Variants in CHAT observed in about 807,000 individuals in gnomAD.
CHAT encodes choline O-acetyltransferase.
Under a neutral mutation model 76.9 loss-of-function variants are expected in CHAT, and 61 were observed. The observed-to-expected ratio is 0.79, with a 90% confidence interval of 0.65 to 0.98. The LOEUF is 0.98. CHAT is among the 50% of genes least tolerant of loss of function. CHAT has a pLI of 0.00. For synonymous variants in CHAT, 407 were observed against 397.4 expected (o/e 1.02, Z -0.29); for missense variants, 946 against 986.9 (o/e 0.96, Z 0.56).
chr10:49,611,058 A>G (rs768880483), upstream of CHAT: 20 of 1,613,914 alleles, frequency 1.2e-5, no homozygotes, highest in East Asian at 4.2e-4. Flanking sequence ...CTGCGTGGCC[A>G]GCGGGCTCAG....
At chr10:49,664,456 T>G (rs747265412) in intron 14 of CHAT, among the ~76,000 whole-genome samples, 4 of 152,164 alleles carry the variant, frequency 2.6e-5, no homozygotes, top group Admixed American at 6.5e-5. Flanking sequence ...ATTACCTGAT[T>G]GCCTCCGTGC....
chr10:49,625,375 AT>A, intron 5 of CHAT, 97 bp from the exon 6 acceptor site: 1 of 1,139,496 alleles, frequency 8.8e-7, no homozygotes, highest in Non-Finnish European at 1.3e-6. Flanking sequence ...TCTGTGCCCC[AT>A]TTTGCCTGAT....
intron 2 of CHAT, among the ~76,000 whole-genome samples, chr10:49,618,964 C>T (rs1040154031): frequency 2.6e-5 from 4 of 152,110 alleles, no homozygotes; most frequent in African/African-American, 4.8e-5. Flanking sequence ...TGGAGAGATT[C>T]GGAGAGGAAG....
intron 8 of CHAT, among the ~76,000 whole-genome samples, chr10:49,647,696 G>A (rs1171783500): frequency 6.6e-6 from 1 of 152,162 alleles, no homozygotes; most frequent in Non-Finnish European, 1.5e-5. Context: ...TACATGCACA[G>A]AATCTGGAAC....
chr10:49,633,218 GC>G (rs1416775769), intron 7 of CHAT, among the ~76,000 whole-genome samples: 1 of 152,136 alleles, frequency 6.6e-6, no homozygotes, highest in Non-Finnish European at 1.5e-5. Context: ...AGATTCCCGG[GC>G]CCCAGTGCTT....
At chr10:49,625,867 A>T (rs1838902623) in intron 6 of CHAT, among the ~76,000 whole-genome samples, 1 of 152,154 alleles carries the variant, frequency 6.6e-6, no homozygotes, top group South Asian at 2.1e-4. Context: ...GTTTGAGAAT[A>T]TCCTCACTGG....
rs547362236 is a variant in CHAT at position 49,666,442 on chromosome 10, A to C, written c.*1396A>C. 5.9e-5 allele frequency among the ~76,000 whole-genome samples: 9 copies of C among 152,336 alleles called. No individual in the cohort carries two copies. Among genetic ancestry groups the C allele is most frequent in the African/African-American group, 1.9e-4 (8 of 41,582 alleles). ...AGAGGGAGGGAGTAAGAAAGCAACC[A>C]GAGAAATCTACAGCATAGAGCCCGT... On this transcript the variant is annotated 3_prime_UTR_variant, in exon 15 of 15. Transcript: ENST00000337653.
At chr10:49,628,021 T>A (rs939863040) in intron 7 of CHAT, among the ~76,000 whole-genome samples, 1 of 151,974 alleles carries the variant, frequency 6.6e-6, no homozygotes, top group Non-Finnish European at 1.5e-5. Flanking sequence ...GTGCTGGAAT[T>A]GGGGATGTCT....
At chr10:49,610,533 C>G, upstream of CHAT, 1 of 461,820 alleles carries the variant, frequency 2.2e-6, no homozygotes, top group Non-Finnish European at 3.7e-6. Flanking sequence ...GTCCCGGGAT[C>G]GGCTAAGAGT....
intron 13 of CHAT, among the ~76,000 whole-genome samples, chr10:49,655,997 T>A (rs6537546): frequency 0.82 from 125,365 of 152,270 alleles, 52,365 homozygotes; most frequent in Non-Finnish European, 0.91. Context: ...TGCAAAGCTA[T>A]TGTTTGCAAT....
intron 1 of CHAT, 146 bp downstream of exon 1, chr10:49,614,621 G>A: frequency 2.7e-6 from 2 of 741,996 alleles, no homozygotes; most frequent in East Asian, 5.5e-5. Flanking sequence ...GCGGCCGTCG[G>A]GGGTCAGCTA....
chr10:49,612,670 G>T (rs1191556020), upstream of CHAT: 1 of 317,098 alleles, frequency 3.2e-6, no homozygotes, highest in Non-Finnish European at 6.1e-6. Flanking sequence ...AACTTGGGCC[G>T]CTGCACCGCG....
chr10:49,616,160 G>A, intron 1 of CHAT: 2 of 1,465,360 alleles, frequency 1.4e-6, no homozygotes, highest in Non-Finnish European at 1.9e-6. Flanking sequence ...TTATCTATTG[G>A]GTTCCAGGCA....
At chr10:49,659,207 G>A (rs1215822402) in intron 13 of CHAT, among the ~76,000 whole-genome samples, 1 of 152,192 alleles carries the variant, frequency 6.6e-6, no homozygotes, top group Non-Finnish European at 1.5e-5. Flanking sequence ...GAGAGAAAGT[G>A]ACCTTCAACA....
intron 11 of CHAT, among the ~76,000 whole-genome samples, chr10:49,653,656 G>C (rs1306277855): frequency 1.3e-5 from 2 of 152,248 alleles, no homozygotes; most frequent in African/African-American, 4.8e-5. Flanking sequence ...TGGGCTTGCT[G>C]CTGAGACTTG....
At chr10:49,638,227 T>A (rs1391292824) in intron 7 of CHAT, among the ~76,000 whole-genome samples, 1 of 152,258 alleles carries the variant, frequency 6.6e-6, no homozygotes, top group East Asian at 1.9e-4. Context: ...CTCTAAAGTG[T>A]ACTTTACCTG....
intron 7 of CHAT, among the ~76,000 whole-genome samples, chr10:49,643,922 T>G (rs1839572314): frequency 6.6e-6 from 1 of 152,204 alleles, no homozygotes; most frequent in Non-Finnish European, 1.5e-5. Context: ...GTCCAGGGGC[T>G]GCAAGTGCTG....
chr10:49,620,227 G>A (rs768474121), intron 3 of CHAT, among the ~76,000 whole-genome samples: 1 of 152,070 alleles, frequency 6.6e-6, no homozygotes, highest in Non-Finnish European at 1.5e-5. Context: ...AAGGCAGGAA[G>A]AAGACACCTG....
At chr10:49,659,255 A>C (rs942029868) in intron 13 of CHAT, among the ~76,000 whole-genome samples, 13 of 152,260 alleles carry the variant, frequency 8.5e-5, no homozygotes, top group Admixed American at 7.8e-4. Flanking sequence ...TCAAGTTTGA[A>C]GATGCATCAA....
Sources: allele counts gnomAD v4.1 joint callset (sites outside exome capture counted in the v4.1 genomes callset), GRCh38; gene constraint gnomAD v4.1.1; transcripts MANE v1.5; gene names NCBI Gene and HGNC (gene_info 2026-07-23, HGNC 2026-07-21).